Variants in INPP5D observed in about 807,000 individuals in gnomAD.
INPP5D encodes the protein inositol polyphosphate-5-phosphatase D.
A neutral mutation model predicts 122.9 loss-of-function variants in INPP5D; 33 were observed. The ratio of observed to expected loss-of-function variants is 0.27; its 90% CI spans 0.20 to 0.36. The LOEUF is 0.36. INPP5D is among the 10% of genes least tolerant of loss of function. The pLI is 1.00. For synonymous variants in INPP5D, 584 were observed against 576.2 expected, an observed-to-expected ratio of 1.01 and a Z score of -0.19; for missense variants, 1,053 against 1,412.7, an observed-to-expected ratio of 0.75 and a Z score of 4.08.
intron 2 of INPP5D, among the ~76,000 whole-genome samples, chr2:233,118,277 C>T (rs867866965): frequency 6.6e-6 from 1 of 152,158 alleles, no homozygotes; most frequent in Non-Finnish European, 1.5e-5. Flanking sequence ...GCCATCGTAC[C>T]CTGATGCAGG....
chr2:233,130,639 A>G lies in INPP5D; in HGVS notation c.656A>G (p.Glu219Gly). The change falls in exon 5 of 27, where the codon GAG (glutamate) becomes GGG (glycine). Residue 219 changes from glutamate (E) to glycine (G), a missense_variant. Transcript: ENST00000445964. Reference sequence around the variant, plus strand: ...AAACTGACCACACTGCTCTGCAAGGAGCTCTATGGGTAATGGCTGGCCCAC... The same window carrying G: ...AAACTGACCACACTGCTCTGCAAGGGGCTCTATGGGTAATGGCTGGCCCAC... ...LKKLTTLLCK[E>G]LYGEVIRTLP... 6.2e-7 allele frequency: 1 copy of G among 1,613,896 alleles called. No individual in the cohort carries two copies. The highest frequency in any genetic ancestry group is 8.5e-7 in the Non-Finnish European group (1 of 1,179,864).
At chr2:233,199,792 G>A (rs183416478) in intron 25 of INPP5D, among the ~76,000 whole-genome samples, 138 of 152,222 alleles carry the variant, frequency 9.1e-4, no homozygotes, top group Non-Finnish European at 4.3e-4. Context: ...TCACACCACT[G>A]CACTCCAGCC....
intron 20 of INPP5D, 99 bp from the exon 21 acceptor site, chr2:233,185,744 A>T: frequency 4.7e-5 from 41 of 875,024 alleles, no homozygotes; most frequent in Non-Finnish European, 5.9e-5. Flanking sequence ...AAAAGGAGAG[A>T]GCACATCTTC....
At position 233,082,533 on chromosome 2, in the gene INPP5D, A is replaced by G. The variant is rs1462585471; in HGVS notation, c.198+3135A>G. 6.6e-6 allele frequency among the ~76,000 whole-genome samples: 1 copy of G among 152,160 alleles called. No homozygotes were observed. The highest frequency in any genetic ancestry group is 1.9e-4 in the East Asian group (1 of 5,192). On this transcript the variant is annotated intron_variant, in intron 2 of 26. Coordinates refer to ENST00000445964, the MANE Select transcript of INPP5D (RefSeq NM_001017915.3). The surrounding 1 kb of genome is among the most constrained non-coding windows in gnomAD (Gnocchi z 4.7). ...CCAAGTGAAGCACCGAAAGGCTTTC[A>G]TTGTTTCTTAGTTTAGTAACTTTAG...
In INPP5D at chr2:233,164,378, C is replaced by T. The variant is rs780144609; in HGVS notation, c.1509C>T (p.Ser503=). 4.0e-5 allele frequency: 62 copies of T among 1,553,042 alleles called. 1 individual carries two copies. The South Asian group carries it at 4.3e-4, about 11-fold the overall frequency. The change falls in exon 13 of 27, where the codon AGC becomes AGT. Residue 503 remains serine, a synonymous_variant. Coordinates refer to ENST00000445964, the MANE Select transcript of INPP5D (RefSeq NM_001017915.3). The surrounding 1 kb of genome is among the most constrained non-coding windows in gnomAD (Gnocchi z 4.3). ...LAKPEHENRI[S]HICTDNVKTG... ...AGCCTGAGCACGAGAACCGGATCAG[C>T]CACATCTGTACTGACAACGTGAAGA...
At chr2:233,137,854 ATAT>A (rs1446034535) in intron 5 of INPP5D, among the ~76,000 whole-genome samples, 12 of 8,892 alleles carry the variant, frequency 1.3e-3, no homozygotes, top group Admixed American at 4.6e-3. Flanking sequence ...AAAAAAAAAA[ATAT>A]ATATATATAT....
chr2:233,180,606 C>G (rs895856512), intron 18 of INPP5D, among the ~76,000 whole-genome samples: 2 of 152,234 alleles, frequency 1.3e-5, no homozygotes, highest in African/African-American at 4.8e-5. Flanking sequence ...GTGGCACCAT[C>G]CTGGCTCACT....
In INPP5D at chr2:233,177,763, C is replaced by T. The variant is rs1189846339; in HGVS notation, c.2071+417C>T. 6.6e-6 allele frequency among the ~76,000 whole-genome samples: 1 copy of T among 151,986 alleles called. No homozygotes were observed. The highest frequency in any genetic ancestry group is 2.4e-5 in the African/African-American group (1 of 41,394). On this transcript the variant is annotated intron_variant, in intron 18 of 26. Transcript: ENST00000445964. This position sits in a 1 kb window ranked among gnomAD's most constrained non-coding sequence, Gnocchi z 4.2. ...CTAATTTTTGTATTTTTAGTAGAGACGGGGTTTCACCATGTTGGCCAGGCT... is the reference window on the plus strand; with the variant it reads ...CTAATTTTTGTATTTTTAGTAGAGATGGGGTTTCACCATGTTGGCCAGGCT...
chr2:233,066,117 C>T (rs1292895944), intron 1 of INPP5D, among the ~76,000 whole-genome samples: 2 of 152,144 alleles, frequency 1.3e-5, no homozygotes, highest in African/African-American at 4.8e-5. Flanking sequence ...GTCACCAAGC[C>T]TGGCTAATCT....
chr2:233,107,688 C>T (rs1692503275), intron 2 of INPP5D, among the ~76,000 whole-genome samples: 1 of 152,116 alleles, frequency 6.6e-6, no homozygotes, highest in South Asian at 2.1e-4. Flanking sequence ...GCCAGGGCCC[C>T]CCAGCCCTGG....
intron 3 of INPP5D, among the ~76,000 whole-genome samples, chr2:233,124,923 C>A (rs1693110418): frequency 6.6e-6 from 1 of 152,256 alleles, no homozygotes; most frequent in African/African-American, 2.4e-5. Context: ...CACCGCCAGA[C>A]CGTGGAGCTC....
chr2:233,063,645 C>T (rs1489762732), intron 1 of INPP5D, among the ~76,000 whole-genome samples: 1 of 152,206 alleles, frequency 6.6e-6, no homozygotes, highest in Non-Finnish European at 1.5e-5. Context: ...TACCACTGGG[C>T]AGGAAAGCTT....
chr2:233,074,207 A>G (rs1206009664), intron 1 of INPP5D, among the ~76,000 whole-genome samples: 1 of 152,222 alleles, frequency 6.6e-6, no homozygotes, highest in Non-Finnish European at 1.5e-5. Flanking sequence ...TTCAAGATCC[A>G]GCCGGTGGTG....
chr2:233,097,560 T>C (rs573827260), intron 2 of INPP5D, among the ~76,000 whole-genome samples: 3 of 152,224 alleles, frequency 2.0e-5, no homozygotes, highest in African/African-American at 7.2e-5. Context: ...GAGTGTGATG[T>C]AGCTTTAATT....
intron 9 of INPP5D, 124 bp from the exon 10 acceptor site, chr2:233,158,189 G>C (rs948381573): frequency 6.7e-6 from 4 of 596,606 alleles, no homozygotes; most frequent in Non-Finnish European, 1.2e-5. Flanking sequence ...TGGGAGACCA[G>C]ACACAAACTC....
intron 1 of INPP5D, among the ~76,000 whole-genome samples, chr2:233,068,052 G>A (rs764676694): frequency 9.2e-5 from 14 of 152,086 alleles, no homozygotes; most frequent in Non-Finnish European, 1.9e-4. Context: ...TTGGGAGGCC[G>A]AGGTGGGTGG....
At position 233,186,586 on chromosome 2, in the gene INPP5D, G is replaced by A. The variant is rs138601296; in HGVS notation, c.2358+661G>A. On this transcript the variant is annotated intron_variant, in intron 21 of 26. Transcript: ENST00000445964. ...GGAAGCCAAGGCAGGGGGATTGCTT[G>A]AGCCCAGAAGTTCAAGACCAGCCTG... is the stretch of plus-strand genomic sequence containing the variant. Among the ~76,000 whole-genome samples, 442 of 149,724 alleles carry A rather than the reference G, an allele frequency of 3.0e-3. 3 individuals are homozygous for A. The highest frequency in any genetic ancestry group is 0.01 in the African/African-American group (420 of 40,826).
rs749260871 is a variant in INPP5D at position 233,185,899 on chromosome 2, G to C, written c.2332G>C (p.Val778Leu). The C allele has an allele frequency of 6.2e-7, 1 of 1,607,868 alleles. No homozygotes were observed. The highest frequency in any genetic ancestry group is 2.2e-5 in the East Asian group (1 of 44,650). The change falls in exon 21 of 27, where the codon GTG (valine) becomes CTG (leucine). Residue 778 changes from valine to leucine, a missense_variant. Val to Leu is a conservative substitution (Grantham distance 32). Around this residue, in one of 6 missense-constraint regions of INPP5D, gnomAD observed 258 missense variants for 439.1 expected, o/e 0.59. Coordinates refer to ENST00000445964, the MANE Select transcript of INPP5D (RefSeq NM_001017915.3). ...NEEGSEGELVVKFGETLPKLK... is the reference protein window; with the variant it reads ...NEEGSEGELVLKFGETLPKLK... ...AGAAGGAAGTGAGGGGGAGCTGGTG[G>C]TGAAGTTTGGTGAGACTCTTCCAAA...
In INPP5D at chr2:233,164,149, C is replaced by T. The variant is rs1694264252; in HGVS notation, c.1438-158C>T. ...GGTTCTCATCTTTAGGATGTTTTGT[C>T]TCGCCTATCAAGCATCGCTGGGAGT... On this transcript the variant is annotated intron_variant, in intron 12 of 26. Coordinates refer to ENST00000445964, the MANE Select transcript of INPP5D (RefSeq NM_001017915.3). This position sits in a 1 kb window ranked among gnomAD's most constrained non-coding sequence, Gnocchi z 4.3. Among the ~76,000 whole-genome samples the T allele has an allele frequency of 6.6e-6, 1 of 152,150 alleles. No homozygotes were observed. The highest frequency in any genetic ancestry group is 2.1e-4 in the South Asian group (1 of 4,828).
Sources: allele counts gnomAD v4.1 joint callset (sites outside exome capture counted in the v4.1 genomes callset), GRCh38; gene constraint gnomAD v4.1.1; regional missense constraint gnomAD v4.1.1; non-coding constraint Gnocchi (gnomAD v3.1); transcripts MANE v1.5; gene names NCBI Gene and HGNC (gene_info 2026-07-23, HGNC 2026-07-21).